The following FBN2 variants were observed in gnomAD, a reference collection of about 807,000 sequenced individuals.
The protein encoded by FBN2 is fibrillin-2.
FBN2 carries 105 observed loss-of-function variants against 355.6 expected under a neutral mutation model. The observed-to-expected ratio is 0.30, with a 90% CI of 0.25 to 0.35. FBN2 has a LOEUF of 0.35. FBN2 is among the 10% of genes least tolerant of loss of function. FBN2 has a pLI of 1.00. For synonymous variants in FBN2, 1,350 were observed against 1,301.2 expected, an observed-to-expected ratio of 1.04 and a Z score of -0.81; for missense variants, 3,280 against 3,758.7, an observed-to-expected ratio of 0.87 and a Z score of 3.33.
chr5:128,285,153 A>G (rs1749108982), intron 55 of FBN2, among the ~76,000 whole-genome samples: 1 of 152,160 alleles, frequency 6.6e-6, no homozygotes, highest in African/African-American at 2.4e-5. Context: ...TATAACTTTA[A>G]TTCCCTTAAC....
In FBN2 at chr5:128,386,131, C is replaced by T. The variant is rs573659721; in HGVS notation, c.1603+5887G>A. On this transcript the variant is annotated intron_variant, in intron 11 of 64. Coordinates refer to ENST00000262464, the MANE Select transcript of FBN2 (RefSeq NM_001999.4). ...TCCAAAATGGCATTTCCTAGGTTTT[C>T]GTCTAGAGTTTTTATAGTTTTAGGT... is the stretch of plus-strand genomic sequence containing the variant. 9.2e-5 allele frequency among the ~76,000 whole-genome samples: 14 copies of T among 152,134 alleles called. No homozygotes were observed. In the East Asian group the frequency reaches 2.1e-3, roughly 23 times the overall value.
intron 16 of FBN2, among the ~76,000 whole-genome samples, chr5:128,368,622 T>C (rs970029904): frequency 1.3e-5 from 2 of 151,654 alleles, no homozygotes; most frequent in African/African-American, 4.8e-5. Flanking sequence ...ATCATGTTCA[T>C]GTAAAAAAAC....
At chr5:128,534,598 T>C (rs1756797240) in intron 2 of FBN2, among the ~76,000 whole-genome samples, 1 of 152,248 alleles carries the variant, frequency 6.6e-6, no homozygotes. Flanking sequence ...AGATTTCTGA[T>C]ACGTGTAAAT....
intron 5 of FBN2, among the ~76,000 whole-genome samples, chr5:128,499,671 A>T (rs1399810264): frequency 1.3e-5 from 2 of 152,210 alleles, no homozygotes; most frequent in Admixed American, 1.3e-4. Flanking sequence ...ATGAGTAAAC[A>T]CTGATCTAGC....
At chr5:128,505,453 AT>A (rs963954318) in intron 5 of FBN2, among the ~76,000 whole-genome samples, 45 of 152,190 alleles carry the variant, frequency 3.0e-4, no homozygotes, top group Non-Finnish European at 2.6e-4. Flanking sequence ...TCATTGTTCA[AT>A]TTTTTAACAG....
At chr5:128,264,277 A>G (rs1463746068) in intron 62 of FBN2, among the ~76,000 whole-genome samples, 2 of 152,186 alleles carry the variant, frequency 1.3e-5, no homozygotes, top group African/African-American at 2.4e-5. Flanking sequence ...GCATAAAAAA[A>G]TTTATAAACC....
chr5:128,480,587 G>GT (rs1450469540), intron 5 of FBN2, among the ~76,000 whole-genome samples: 1 of 152,184 alleles, frequency 6.6e-6, no homozygotes, highest in Non-Finnish European at 1.5e-5. Flanking sequence ...GCGGGTGTGT[G>GT]TAATTCCAGC....
chr5:128,347,470 G>A (rs1316212944), intron 23 of FBN2, among the ~76,000 whole-genome samples: 1 of 152,144 alleles, frequency 6.6e-6, no homozygotes, highest in Non-Finnish European at 1.5e-5. Flanking sequence ...CCTTTGGATG[G>A]TCCATGTTCT....
In FBN2 at chr5:128,263,429, G is replaced by T; in HGVS notation, c.8188C>A (p.Gln2730Lys). Residue 2730 changes from glutamine to lysine, a missense_variant, in exon 63 of 65, where the codon CAA (glutamine) becomes AAA (lysine). Physicochemically the swap from Gln to Lys is moderately conservative, Grantham distance 53. This residue lies in a region of FBN2 where 311 missense variants were observed against 319.1 expected (regional missense o/e 0.97). Transcript: ENST00000262464. ...GCPPGYYRVG[Q>K]GHCVSGMGFN... The stretch of plus-strand genomic sequence containing the variant: ...TGAGGCTGAAGGCCGCCTTACCCTT[G>T]TCCCACTCTGTAATACCCAGGGGGG... 1 of 1,611,878 alleles carries T rather than the reference G, an allele frequency of 6.2e-7. No homozygotes were observed. Among genetic ancestry groups the T allele is most frequent in the Non-Finnish European group, 8.5e-7 (1 of 1,178,022 alleles).
At chr5:128,337,150 T>C (rs1750863864) in intron 27 of FBN2, among the ~76,000 whole-genome samples, 1 of 152,210 alleles carries the variant, frequency 6.6e-6, no homozygotes, top group South Asian at 2.1e-4. Flanking sequence ...TGTACCGCTA[T>C]TAAAATGAAA....
At chr5:128,514,328 A>G (rs1402412019) in intron 5 of FBN2, among the ~76,000 whole-genome samples, 2 of 152,278 alleles carry the variant, frequency 1.3e-5, no homozygotes, top group African/African-American at 4.8e-5. Flanking sequence ...TTTGACTGAA[A>G]GAAAGACTTT....
chr5:128,376,380 A>G (rs986611028), intron 14 of FBN2, among the ~76,000 whole-genome samples: 5 of 152,206 alleles, frequency 3.3e-5, no homozygotes, highest in African/African-American at 1.2e-4. Context: ...TCTAGTTCTG[A>G]GAATGCATAA....
intron 18 of FBN2, among the ~76,000 whole-genome samples, chr5:128,362,889 C>A (rs1751675218): frequency 6.6e-6 from 1 of 152,106 alleles, no homozygotes; most frequent in Non-Finnish European, 1.5e-5. Flanking sequence ...TTGCAAATAA[C>A]AATTTTCCCT....
Position 128,263,428 on chromosome 5 carries a change from T to C in FBN2, c.8189A>G (p.Gln2730Arg), listed in dbSNP as rs1456333165. 2.5e-6 allele frequency: 4 copies of C among 1,612,076 alleles called. No individual in the cohort carries two copies. The highest frequency in any genetic ancestry group is 3.4e-6 in the Non-Finnish European group (4 of 1,178,160). Residue 2730 changes from glutamine to arginine, a missense_variant, in exon 63 of 65, where the codon CAA (glutamine) becomes CGA (arginine). Around this residue, in one of 6 missense-constraint regions of FBN2, gnomAD observed 311 missense variants for 319.1 expected, o/e 0.97. Coordinates refer to ENST00000262464, the MANE Select transcript of FBN2 (RefSeq NM_001999.4). ...CTGAGGCTGAAGGCCGCCTTACCCT[T>C]GTCCCACTCTGTAATACCCAGGGGG... ...GCPPGYYRVG[Q>R]GHCVSGMGFN... is the part of the protein sequence containing the mutation.
intron 18 of FBN2, among the ~76,000 whole-genome samples, chr5:128,362,164 TA>T (rs1431279762): frequency 6.6e-6 from 1 of 152,206 alleles, no homozygotes; most frequent in Non-Finnish European, 1.5e-5. Flanking sequence ...AAAGCATTCA[TA>T]AAAGATATCA....
rs114468807 is a variant in FBN2 at position 128,334,347 on chromosome 5, C to T, written c.4099+372G>A. On this transcript the variant is annotated intron_variant, in intron 31 of 64. Transcript: ENST00000262464. Reference sequence around the variant, plus strand: ...AAGAAGTGCAGAGGTAAATGGCAACCGGGATCCTCGGGTCTTTTGGTGCTC... The same window carrying T: ...AAGAAGTGCAGAGGTAAATGGCAACTGGGATCCTCGGGTCTTTTGGTGCTC... Among the ~76,000 whole-genome samples the T allele has an allele frequency of 8.3e-3, 1,270 of 152,188 alleles. 16 individuals are homozygous for T. Among genetic ancestry groups the T allele is most frequent in the African/African-American group, 0.029 (1,184 of 41,524 alleles).
chr5:128,375,023 A>C (rs1465393595), intron 14 of FBN2, among the ~76,000 whole-genome samples: 1 of 152,196 alleles, frequency 6.6e-6, no homozygotes, highest in African/African-American at 2.4e-5. Context: ...AAATAATTCA[A>C]ATTAGTTAAG....
chr5:128,466,398 C>T (rs1754710882), intron 5 of FBN2, among the ~76,000 whole-genome samples: 1 of 152,102 alleles, frequency 6.6e-6, no homozygotes, highest in Non-Finnish European at 1.5e-5. Context: ...ACAAAACTAC[C>T]TAACATTTAA....
At chr5:128,525,202 T>A (rs1168204796) in intron 4 of FBN2, among the ~76,000 whole-genome samples, 1 of 152,152 alleles carries the variant, frequency 6.6e-6, no homozygotes, top group African/African-American at 2.4e-5. Flanking sequence ...GGCGCTTTCT[T>A]CAGTGATTCT....
Sources: gnomAD v4.1 joint callset for allele counts (sites outside exome capture counted in the v4.1 genomes callset) on GRCh38, gnomAD v4.1.1 for gene constraint, gnomAD v4.1.1 regional missense constraint, MANE v1.5 for transcripts, NCBI Gene and HGNC (gene_info 2026-07-23, HGNC 2026-07-21) for gene names.